The following SLC4A8 variants were observed in gnomAD, a reference collection of about 807,000 sequenced individuals.
The protein encoded by SLC4A8 is electroneutral sodium bicarbonate exchanger 1.
In SLC4A8, 40 loss-of-function variants were observed where a neutral mutation model predicts 125.0. The observed-to-expected ratio is 0.32, with a 90% CI of 0.25 to 0.42. SLC4A8 has a LOEUF of 0.42. SLC4A8 is among the 10% of genes least tolerant of loss of function. SLC4A8 has a pLI of 1.00. For missense variants in SLC4A8, 863 were observed against 1,355.1 expected (o/e 0.64, Z 5.70); for synonymous variants, 456 against 476.0 (o/e 0.96, Z 0.55).
chr12:51,432,535 G>C (rs114702183), intron 1 of SLC4A8, among the ~76,000 whole-genome samples: 1 of 151,730 alleles, frequency 6.6e-6, no homozygotes, highest in East Asian at 1.9e-4. Flanking sequence ...CCATCCTAGC[G>C]AACATGGCGA....
intron 1 of SLC4A8, among the ~76,000 whole-genome samples, chr12:51,437,247 G>C (rs1949450424): frequency 6.6e-6 from 1 of 152,188 alleles, no homozygotes; most frequent in Non-Finnish European, 1.5e-5. Flanking sequence ...TGGGAGCATA[G>C]ATGATAACTA....
chr12:51,432,268 G>A (rs553523709), intron 1 of SLC4A8, among the ~76,000 whole-genome samples: 2 of 151,738 alleles, frequency 1.3e-5, no homozygotes, highest in South Asian at 2.1e-4. Context: ...AAAATTAGCC[G>A]GGTGTGGTGG....
At chr12:51,436,545 C>T (rs1222978666) in intron 1 of SLC4A8, among the ~76,000 whole-genome samples, 2 of 151,842 alleles carry the variant, frequency 1.3e-5, no homozygotes, top group African/African-American at 2.4e-5. Context: ...CATCTTATTC[C>T]CTCCCTCCTC....
Position 51,510,452 on chromosome 12 carries a change from A to G in SLC4A8, c.*3014A>G, listed in dbSNP as rs978128393. ...AAAAAAAAAAAAAAAAAACTTCCCA[A>G]TAGGAGGTATTCCTTGATGGCTCTC... On this transcript the variant is annotated 3_prime_UTR_variant, in exon 25 of 25. Coordinates refer to ENST00000453097, the MANE Select transcript of SLC4A8 (RefSeq NM_001039960.3). 6.6e-6 allele frequency: 1 copy of G among 151,668 alleles called. No individual in the cohort carries two copies. Among genetic ancestry groups the G allele is most frequent in the Admixed American group, 6.6e-5 (1 of 15,218 alleles). The allele number at this position is 151,668 out of a possible 1,614,324, so 9.4% of individuals were successfully genotyped here.
chr12:51,458,688 G>C lies in SLC4A8; in HGVS notation c.855+38G>C, dbSNP rs751115909. ...GTGGGAAGTTGGCTTCAAGGCCTAA[G>C]GTTCCTTTTAGTGGAATCCAGAGTT... On this transcript the variant is annotated intron_variant, in intron 7 of 24. Coordinates refer to ENST00000453097, the MANE Select transcript of SLC4A8 (RefSeq NM_001039960.3). 2.1e-6 allele frequency: 3 copies of C among 1,413,924 alleles called. No individual in the cohort carries two copies. In the South Asian group the frequency reaches 3.5e-5, roughly 16 times the overall value. The allele number at this position is 1,413,924 out of a possible 1,614,324, so 87.6% of individuals were successfully genotyped here.
chr12:51,500,472 T>G (rs1056184445), intron 22 of SLC4A8, among the ~76,000 whole-genome samples: 1 of 152,152 alleles, frequency 6.6e-6, no homozygotes, highest in African/African-American at 2.4e-5. Flanking sequence ...TATATTCTGA[T>G]TTTTCCCCTC....
At chr12:51,408,347 G>A (rs148671540) in intron 1 of SLC4A8, among the ~76,000 whole-genome samples, 183 of 152,018 alleles carry the variant, frequency 1.2e-3, no homozygotes, top group African/African-American at 4.2e-3. Flanking sequence ...CTCATGTCTC[G>A]GCCTCCAGAG....
chr12:51,441,150 A>G, intron 2 of SLC4A8: 3 of 991,296 alleles, frequency 3.0e-6, no homozygotes, highest in Non-Finnish European at 3.6e-6. Flanking sequence ...CTTAAAGAGA[A>G]AATAAAATAC....
In SLC4A8 at chr12:51,447,071, T is replaced by G. The variant is rs1255134343; in HGVS notation, c.131-3805T>G. On this transcript the variant is annotated intron_variant, in intron 2 of 24. Coordinates refer to ENST00000453097, the MANE Select transcript of SLC4A8 (RefSeq NM_001039960.3). ...CTGTCTGTCTGTCTATCTATCTGTC[T>G]ATCTATCTATCTATCTATCTAGAGA... Among the ~76,000 whole-genome samples, 3 of 152,184 alleles carry G rather than the reference T, an allele frequency of 2.0e-5. No individual in the cohort carries two copies. In the East Asian group the frequency reaches 5.8e-4, roughly 29 times the overall value.
intron 1 of SLC4A8, among the ~76,000 whole-genome samples, chr12:51,432,295 C>T (rs1358572437): frequency 6.6e-6 from 1 of 151,358 alleles, no homozygotes; most frequent in African/African-American, 2.4e-5. Flanking sequence ...CCTGTAGTCC[C>T]ACCTACTCGG....
chr12:51,401,885 C>T (rs1948400832), intron 1 of SLC4A8, among the ~76,000 whole-genome samples: 1 of 152,170 alleles, frequency 6.6e-6, no homozygotes, highest in Admixed American at 6.5e-5. Context: ...CCACCTCAGC[C>T]CCCTGAGTAG....
intron 9 of SLC4A8, 63 bp from the exon 10 acceptor site, chr12:51,462,247 C>T: frequency 1.4e-6 from 2 of 1,393,504 alleles, no homozygotes; most frequent in Non-Finnish European, 2.0e-6. Flanking sequence ...TCACCATATC[C>T]ATTGGTGATT....
rs766253363 is a variant in SLC4A8 at position 51,424,984 on chromosome 12, C to T, written c.-4C>T. 3 of 1,553,476 alleles carry T rather than the reference C, an allele frequency of 1.9e-6. No individual in the cohort carries two copies. Among genetic ancestry groups the T allele is most frequent in the South Asian group, 1.2e-5 (1 of 84,240 alleles). On this transcript the variant is annotated 5_prime_UTR_variant, in exon 1 of 25. Coordinates refer to ENST00000453097, the MANE Select transcript of SLC4A8 (RefSeq NM_001039960.3). ...CCGTGGGGGAGACCTAGTTCGGCTCCGCCATGCCGGCCGCCGGGAGTAACG... is the reference window on the plus strand; with the variant it reads ...CCGTGGGGGAGACCTAGTTCGGCTCTGCCATGCCGGCCGCCGGGAGTAACG...
chr12:51,490,357 C>T (rs553107857), intron 19 of SLC4A8, among the ~76,000 whole-genome samples: 33 of 151,838 alleles, frequency 2.2e-4, no homozygotes, highest in African/African-American at 7.5e-4. Context: ...AGATCGAGAC[C>T]ATCCTGGCTA....
In SLC4A8 at chr12:51,470,376, CT is replaced by C. The variant is rs758837253; in HGVS notation, c.1525-9del. The C allele has an allele frequency of 2.7e-5, 44 of 1,612,866 alleles. No homozygotes were observed. Among genetic ancestry groups the C allele is most frequent in the Non-Finnish European group, 3.4e-5 (40 of 1,179,126 alleles). ...TGATGGGCTATGGACTCAGTGATGA[CT>C]TTTTTTCCTCTCAGAGTGCAATTGA... On this transcript the variant is annotated splice_polypyrimidine_tract_variant and intron_variant, in intron 12 of 24. Transcript: ENST00000453097.
chr12:51,471,587 T>G, intron 14 of SLC4A8, 55 bp downstream of exon 14: 1 of 1,579,182 alleles, frequency 6.3e-7, no homozygotes. Context: ...TGAGTTTAAT[T>G]GCTGATGTAG....
intron 1 of SLC4A8, among the ~76,000 whole-genome samples, chr12:51,404,122 T>A (rs1006827576): frequency 6.6e-6 from 1 of 152,188 alleles, no homozygotes; most frequent in African/African-American, 2.4e-5. Context: ...CTGTTGCTGC[T>A]TGCTGCAACA....
Position 51,489,726 on chromosome 12 carries a change from A to G in SLC4A8, c.2475A>G (p.Leu825=). 2 of 1,613,990 alleles carry G rather than the reference A, an allele frequency of 1.2e-6. No homozygotes were observed. The highest frequency in any genetic ancestry group is 1.7e-6 in the Non-Finnish European group (2 of 1,179,876). The change falls in exon 19 of 25, where the codon CTA becomes CTG. Residue 825 remains leucine, a synonymous_variant. Coordinates refer to ENST00000453097, the MANE Select transcript of SLC4A8 (RefSeq NM_001039960.3). The stretch of plus-strand genomic sequence containing the variant: ...AAGGCTGTGGCTACCACCTGGACCT[A>G]CTGATGGTGGCCATCATGCTGGGTG... ...LKKGCGYHLD[L]LMVAIMLGVC...
intron 1 of SLC4A8, among the ~76,000 whole-genome samples, chr12:51,438,432 C>T (rs529913432): frequency 1.3e-5 from 2 of 152,288 alleles, no homozygotes; most frequent in East Asian, 1.9e-4. Flanking sequence ...CCTTCAGTTC[C>T]ATCCATATTG....
Sources: gnomAD v4.1 joint callset for allele counts (sites outside exome capture counted in the v4.1 genomes callset) on GRCh38, gnomAD v4.1.1 for gene constraint, MANE v1.5 for transcripts, NCBI Gene and HGNC (gene_info 2026-07-23, HGNC 2026-07-21) for gene names.